MEI4: variants seen among roughly 807,000 people sequenced by gnomAD.
MEI4 encodes the protein meiosis-specific protein MEI4.
A neutral mutation model predicts 31.4 loss-of-function variants in MEI4; 27 were observed. The ratio of observed to expected loss-of-function variants is 0.86; its 90% CI spans 0.63 to 1.19. MEI4 has a LOEUF of 1.19. MEI4 is among the 50% of genes most tolerant of loss of function. The pLI is 0.00. For synonymous variants in MEI4, 122 were observed against 145.4 expected (o/e 0.84, Z 1.16); for missense variants, 329 against 398.9 (o/e 0.82, Z 1.49).
intron 3 of MEI4, among the ~76,000 whole-genome samples, chr6:77,774,331 T>TA (rs1172554391): frequency 2.0e-5 from 3 of 151,926 alleles, no homozygotes; most frequent in African/African-American, 7.2e-5. Flanking sequence ...TAGTCAGCCG[T>TA]AAAAAAAGAA....
intron 2 of MEI4, among the ~76,000 whole-genome samples, chr6:77,696,055 GCT>G (rs932835512): frequency 6.6e-6 from 1 of 152,058 alleles, no homozygotes; most frequent in African/African-American, 2.4e-5. Flanking sequence ...TCATGATTCG[GCT>G]CTCTGTTTGT....
chr6:77,651,606 C>T (rs527236855), upstream of MEI4, among the ~76,000 whole-genome samples: 1 of 152,294 alleles, frequency 6.6e-6, no homozygotes, highest in African/African-American at 2.4e-5. Flanking sequence ...TATTATATGA[C>T]TGCAAAGAGA....
chr6:77,844,577 AGAT>A (rs1291682223), intron 4 of MEI4, among the ~76,000 whole-genome samples: 1 of 152,190 alleles, frequency 6.6e-6, no homozygotes, highest in Non-Finnish European at 1.5e-5. Context: ...TTTTTGTTAA[AGAT>A]GAGGGTAATA....
At chr6:77,707,580 G>A (rs1766361061) in intron 2 of MEI4, among the ~76,000 whole-genome samples, 1 of 152,192 alleles carries the variant, frequency 6.6e-6, no homozygotes, top group South Asian at 2.1e-4. Context: ...TGACTAAAAG[G>A]GAGTCAAGTG....
intron 3 of MEI4, among the ~76,000 whole-genome samples, chr6:77,800,124 T>C (rs911790377): frequency 6.6e-6 from 1 of 152,188 alleles, no homozygotes; most frequent in African/African-American, 2.4e-5. Context: ...TTCCTACCCA[T>C]GAGCATGGAA....
intron 2 of MEI4, among the ~76,000 whole-genome samples, chr6:77,733,761 A>G (rs1171608797): frequency 6.6e-6 from 1 of 151,996 alleles, no homozygotes; most frequent in East Asian, 1.9e-4. Flanking sequence ...TCTTGTGGGC[A>G]TTTAGTGCTA....
At chr6:77,714,931 T>C (rs528042982) in intron 2 of MEI4, among the ~76,000 whole-genome samples, 1 of 152,328 alleles carries the variant, frequency 6.6e-6, no homozygotes, top group South Asian at 2.1e-4. Context: ...TTGACAGAAA[T>C]GCCTTTTTGC....
At chr6:77,655,540 C>CT (rs1223234412) in intron 1 of MEI4, among the ~76,000 whole-genome samples, 2 of 152,062 alleles carry the variant, frequency 1.3e-5, no homozygotes, top group Non-Finnish European at 2.9e-5. Flanking sequence ...TGGATGCGGG[C>CT]TTTTTTCTTT....
At chr6:77,874,520 T>G (rs1323192706) in intron 4 of MEI4, among the ~76,000 whole-genome samples, 1 of 152,068 alleles carries the variant, frequency 6.6e-6, no homozygotes, top group Non-Finnish European at 1.5e-5. Flanking sequence ...GACAATGGGG[T>G]TTTCTAGATA....
intron 2 of MEI4, among the ~76,000 whole-genome samples, chr6:77,740,850 A>G (rs1425236965): frequency 1.3e-5 from 2 of 151,996 alleles, no homozygotes; most frequent in Non-Finnish European, 2.9e-5. Flanking sequence ...CAGACCACCA[A>G]TTATGTAGGA....
chr6:77,667,741 A>C (rs1371113111), intron 1 of MEI4, among the ~76,000 whole-genome samples: 1 of 152,116 alleles, frequency 6.6e-6, no homozygotes, highest in African/African-American at 2.4e-5. Flanking sequence ...TGAAGGGTGA[A>C]GGAGAACCTG....
In MEI4 at chr6:77,826,645, A is replaced by G. The variant is rs1011343396; in HGVS notation, c.769-2286A>G. Among the ~76,000 whole-genome samples, 7 of 152,328 alleles carry G rather than the reference A, an allele frequency of 4.6e-5. No homozygotes were observed. The East Asian group carries it at 1.4e-3, about 29-fold the overall frequency. ...CTTAGTGATAGTAAATACATACTAT[A>G]GCAACTTGTTTTTCACTTTAGAGGG... On this transcript the variant is annotated intron_variant, in intron 3 of 4. Coordinates refer to ENST00000684080, the MANE Select transcript of MEI4 (RefSeq NM_001322247.2).
At chr6:77,696,077 G>A (rs532435172) in intron 2 of MEI4, among the ~76,000 whole-genome samples, 30 of 152,210 alleles carry the variant, frequency 2.0e-4, no homozygotes, top group African/African-American at 7.0e-4. Flanking sequence ...TCTGTTCTTG[G>A]TGTATAAGAA....
intron 2 of MEI4, among the ~76,000 whole-genome samples, chr6:77,734,314 T>G (rs946458415): frequency 1.2e-4 from 19 of 152,188 alleles, no homozygotes; most frequent in Admixed American, 2.0e-4. Flanking sequence ...GGTGCTCCTG[T>G]ATTGGGATAT....
chr6:77,756,512 A>G (rs1401821804), intron 2 of MEI4, among the ~76,000 whole-genome samples: 1 of 151,888 alleles, frequency 6.6e-6, no homozygotes, highest in African/African-American at 2.4e-5. Flanking sequence ...TTAATAGTAG[A>G]TGCTATAAAA....
chr6:77,864,722 T>G (rs1321626358), intron 4 of MEI4, among the ~76,000 whole-genome samples: 1 of 152,106 alleles, frequency 6.6e-6, no homozygotes, highest in Non-Finnish European at 1.5e-5. Context: ...AGCTCTGCAC[T>G]AAGCAGACCT....
intron 2 of MEI4, among the ~76,000 whole-genome samples, chr6:77,711,932 G>A (rs1430903923): frequency 6.6e-6 from 1 of 152,130 alleles, no homozygotes; most frequent in East Asian, 1.9e-4. Context: ...TGATTTCTAT[G>A]GTGTTAAGAG....
Position 77,659,984 on chromosome 6 carries a change from C to T in MEI4, c.-15+6892C>T, listed in dbSNP as rs142002611. Among the ~76,000 whole-genome samples the T allele has an allele frequency of 6.7e-3, 1,019 of 152,166 alleles. 22 individuals carry two copies. Among genetic ancestry groups the T allele is most frequent in the Admixed American group, 0.038 (578 of 15,276 alleles). On this transcript the variant is annotated intron_variant, in intron 1 of 4. Coordinates refer to ENST00000684080, the MANE Select transcript of MEI4 (RefSeq NM_001322247.2). ...TTTTTTAAATAAGTGTGAAGGAGGGCGGCAGCTTGCTGATGTGAAATGTCT... is the reference window on the plus strand; with the variant it reads ...TTTTTTAAATAAGTGTGAAGGAGGGTGGCAGCTTGCTGATGTGAAATGTCT...
At chr6:77,680,896 GC>G (rs973249910) in intron 1 of MEI4, among the ~76,000 whole-genome samples, 11 of 152,090 alleles carry the variant, frequency 7.2e-5, no homozygotes, top group Non-Finnish European at 1.6e-4. Flanking sequence ...TTAATAATGA[GC>G]CCTAAAGAAA....
Sources: gnomAD v4.1 joint callset for allele counts (sites outside exome capture counted in the v4.1 genomes callset) on GRCh38, gnomAD v4.1.1 for gene constraint, MANE v1.5 for transcripts, NCBI Gene and HGNC (gene_info 2026-07-23, HGNC 2026-07-21) for gene names.